The following TNNI3K variants were observed in gnomAD, a reference collection of about 807,000 sequenced individuals.
TNNI3K encodes the protein TNNI3 interacting kinase.
A neutral mutation model predicts 114.5 loss-of-function variants in TNNI3K; 140 were observed. That is an observed-to-expected ratio of 1.22 (90% confidence interval 1.07 to 1.41). The LOEUF (loss-of-function observed/expected upper bound fraction) is 1.41, where lower values mean the gene tolerates loss of function less well. TNNI3K is among the 40% of genes most tolerant of loss of function. TNNI3K has a pLI of 0.00. For synonymous variants in TNNI3K, 347 were observed against 347.5 expected (o/e 1.00, Z 0.02); for missense variants, 1,125 against 1,007.6 (o/e 1.12, Z -1.58).
intron 7 of TNNI3K, among the ~76,000 whole-genome samples, chr1:74,336,357 T>C (rs1660464518): frequency 6.6e-6 from 1 of 152,206 alleles, no homozygotes; most frequent in Non-Finnish European, 1.5e-5. Flanking sequence ...TTCTTTTTTA[T>C]TTTTAATTAT....
At chr1:74,535,832 G>A (rs1017049986) in intron 23 of TNNI3K, among the ~76,000 whole-genome samples, 10 of 152,098 alleles carry the variant, frequency 6.6e-5, no homozygotes, top group Admixed American at 2.0e-4. Context: ...CTAACCACTC[G>A]TCATCTGGAA....
At chr1:74,437,081 A>T (rs573281493) in intron 19 of TNNI3K, among the ~76,000 whole-genome samples, 1 of 152,052 alleles carries the variant, frequency 6.6e-6, no homozygotes, top group African/African-American at 2.4e-5. Flanking sequence ...AAAAAAGTAG[A>T]CTTCTCTTTC....
At chr1:74,422,345 A>G (rs111385296) in intron 17 of TNNI3K, among the ~76,000 whole-genome samples, 1 of 152,044 alleles carries the variant, frequency 6.6e-6, no homozygotes, top group South Asian at 2.1e-4. Flanking sequence ...TCCATTATTT[A>G]TTTCTTTACT....
intron 23 of TNNI3K, among the ~76,000 whole-genome samples, chr1:74,512,955 G>A (rs959851685): frequency 2.0e-5 from 3 of 152,150 alleles, no homozygotes; most frequent in Non-Finnish European, 2.9e-5. Flanking sequence ...ATGGCTCACC[G>A]TGGAAAACTA....
intron 17 of TNNI3K, chr1:74,416,163 T>A: frequency 2.6e-6 from 1 of 383,826 alleles, no homozygotes; most frequent in African/African-American, 2.2e-5. Context: ...AGCACATGAC[T>A]GGGGAAACCT....
chr1:74,439,646 T>G (rs1666290172), intron 20 of TNNI3K, 24 bp downstream of exon 20: 1 of 1,611,544 alleles, frequency 6.2e-7, no homozygotes, highest in African/African-American at 1.3e-5. Context: ...CAATTGAAGT[T>G]TTCCTGTTTT....
chr1:74,286,579 C>G (rs1657347241), intron 5 of TNNI3K, among the ~76,000 whole-genome samples: 1 of 152,134 alleles, frequency 6.6e-6, no homozygotes, highest in African/African-American at 2.4e-5. Context: ...AGGCTCCAGG[C>G]TTGCCCCTAC....
chr1:74,283,065 T>C lies in TNNI3K; in HGVS notation c.444+11357T>C, dbSNP rs1459144853. 3.9e-5 allele frequency among the ~76,000 whole-genome samples: 6 copies of C among 152,258 alleles called. 1 individual carries two copies. The South Asian group carries it at 6.2e-4, about 16-fold the overall frequency. ...TTTCCATACTTGGTTTTTGTAGTCA[T>C]GTGCAGTTCCACAATGCCAAAACTT... On this transcript the variant is annotated intron_variant, in intron 5 of 24. Transcript: ENST00000326637.
At chr1:74,349,585 T>C (rs572749706) in intron 9 of TNNI3K, among the ~76,000 whole-genome samples, 5 of 152,324 alleles carry the variant, frequency 3.3e-5, no homozygotes, top group Admixed American at 6.5e-5. Flanking sequence ...AATTCGGCTG[T>C]GAATCCATCT....
intron 17 of TNNI3K, among the ~76,000 whole-genome samples, chr1:74,380,616 G>A (rs943100330): frequency 1.3e-5 from 2 of 152,074 alleles, no homozygotes; most frequent in African/African-American, 4.8e-5. Flanking sequence ...TTCTTACATT[G>A]CCATTTTCTA....
chr1:74,439,433 T>G (rs998254117), intron 19 of TNNI3K, 57 bp from the exon 20 acceptor site: 15 of 1,589,528 alleles, frequency 9.4e-6, no homozygotes, highest in Non-Finnish European at 1.2e-5. Context: ...AATGCTACTC[T>G]GCAGTGGAAG....
At chr1:74,406,430 C>T (rs576612443) in intron 17 of TNNI3K, among the ~76,000 whole-genome samples, 8 of 152,274 alleles carry the variant, frequency 5.3e-5, no homozygotes, top group African/African-American at 1.9e-4. Context: ...AAATTGGGCA[C>T]CCCTGCTCTA....
chr1:74,266,355 T>TA (rs1655988324), intron 4 of TNNI3K, among the ~76,000 whole-genome samples: 1 of 152,004 alleles, frequency 6.6e-6, no homozygotes, highest in South Asian at 2.1e-4. Flanking sequence ...TCAGATTTGT[T>TA]ACGTTATAGA....
intron 11 of TNNI3K, among the ~76,000 whole-genome samples, chr1:74,361,561 A>G (rs1168217196): frequency 6.6e-6 from 1 of 152,156 alleles, no homozygotes; most frequent in Non-Finnish European, 1.5e-5. Context: ...TAGGAACAGT[A>G]AAACAGATAA....
At position 74,464,063 on chromosome 1, in the gene TNNI3K, T is replaced by A. The variant is rs149877495; in HGVS notation, c.2121+513T>A. 3.9e-5 allele frequency among the ~76,000 whole-genome samples: 6 copies of A among 152,328 alleles called. No individual in the cohort carries two copies. The East Asian group carries it at 1.2e-3, about 29-fold the overall frequency. ...CTTCGAATTCAAATGGAGTGATCAA[T>A]GTTATGGAAGGGATATTTAAACAGT... On this transcript the variant is annotated intron_variant, in intron 21 of 24. Transcript: ENST00000326637.
At chr1:74,356,357 C>A (rs1441273558) in intron 11 of TNNI3K, among the ~76,000 whole-genome samples, 2 of 152,070 alleles carry the variant, frequency 1.3e-5, no homozygotes, top group East Asian at 3.8e-4. Flanking sequence ...AGATATATGT[C>A]TTTCGTTGAA....
intron 21 of TNNI3K, chr1:74,464,786 T>G (rs1187812765): frequency 6.5e-7 from 1 of 1,527,362 alleles, no homozygotes; most frequent in Non-Finnish European, 8.8e-7. Flanking sequence ...CATGTTTATT[T>G]GTTTAGAATC....
At chr1:74,308,802 T>C (rs1179753268) in intron 5 of TNNI3K, among the ~76,000 whole-genome samples, 2 of 151,884 alleles carry the variant, frequency 1.3e-5, no homozygotes, top group African/African-American at 2.4e-5. Context: ...ATAAGTGAAA[T>C]CAGAAGTGAC....
At chr1:74,444,726 A>G (rs1666551425) in intron 20 of TNNI3K, among the ~76,000 whole-genome samples, 1 of 152,010 alleles carries the variant, frequency 6.6e-6, no homozygotes, top group Non-Finnish European at 1.5e-5. Flanking sequence ...AGCCAAGACA[A>G]TCCTAAGCAA....
Sources: gnomAD v4.1 joint callset for allele counts (sites outside exome capture counted in the v4.1 genomes callset) on GRCh38, gnomAD v4.1.1 for gene constraint, MANE v1.5 for transcripts, NCBI Gene and HGNC (gene_info 2026-07-23, HGNC 2026-07-21) for gene names.